Variants in CNGB3 observed in about 807,000 individuals in gnomAD.
CNGB3 encodes cyclic nucleotide gated channel subunit beta 3.
In CNGB3, 86 loss-of-function variants were observed where a neutral mutation model predicts 92.8. The ratio of observed to expected loss-of-function variants is 0.93; its 90% CI spans 0.78 to 1.11. The LOEUF is 1.11. CNGB3 is among the 50% of genes least tolerant of loss of function. The pLI, the probability that CNGB3 is intolerant of heterozygous loss-of-function variation, is 0.00. For synonymous variants in CNGB3, 333 were observed against 332.7 expected, an observed-to-expected ratio of 1.00 and a Z score of -0.01; for missense variants, 1,026 against 956.8, an observed-to-expected ratio of 1.07 and a Z score of -0.95.
intron 15 of CNGB3, among the ~76,000 whole-genome samples, chr8:86,588,671 C>A (rs1486656819): frequency 3.4e-4 from 51 of 149,106 alleles, no homozygotes; most frequent in Non-Finnish European, 6.4e-4. Context: ...ACCAGCCTTG[C>A]ATCCCAGGGA....
In CNGB3 at chr8:86,598,349, TG is replaced by T. The variant is rs576662342; in HGVS notation, c.1781+5743del. Among the ~76,000 whole-genome samples the T allele has an allele frequency of 1.8e-4, 27 of 152,278 alleles. No homozygotes were observed. The East Asian group carries it at 5.2e-3, about 30-fold the overall frequency. On this transcript the variant is annotated intron_variant, in intron 15 of 17. Transcript: ENST00000320005. ...GAGAACATAAGATACAAATGATTTG[TG>T]ACTTTCTTTGGTGGTAGGATTGACA...
At chr8:86,657,854 C>T in intron 6 of CNGB3, 2 of 533,170 alleles carry the variant, frequency 3.8e-6, no homozygotes, top group Non-Finnish European at 7.6e-6. Context: ...AGCTCTGGTA[C>T]AGTGTGATGT....
intron 15 of CNGB3, among the ~76,000 whole-genome samples, chr8:86,594,856 G>A (rs1447783146): frequency 2.0e-5 from 3 of 152,090 alleles, no homozygotes; most frequent in South Asian, 2.1e-4. Context: ...TTACCGGCAC[G>A]TGCCACCACG....
intron 5 of CNGB3, among the ~76,000 whole-genome samples, chr8:86,667,675 G>A (rs1823770092): frequency 6.6e-6 from 1 of 152,146 alleles, no homozygotes; most frequent in African/African-American, 2.4e-5. Flanking sequence ...TGTTCAATTA[G>A]AATAATCAAC....
At chr8:86,587,926 G>C (rs1227182981) in intron 15 of CNGB3, among the ~76,000 whole-genome samples, 1 of 151,862 alleles carries the variant, frequency 6.6e-6, no homozygotes, top group Non-Finnish European at 1.5e-5. Flanking sequence ...AATTACCTTG[G>C]GCAGTATGGC....
At chr8:86,694,341 C>T (rs377169410) in intron 3 of CNGB3, among the ~76,000 whole-genome samples, 10 of 142,798 alleles carry the variant, frequency 7.0e-5, no homozygotes, top group African/African-American at 2.4e-4. Flanking sequence ...GGCGGCTGGC[C>T]GGGCGGGGGG....
intron 13 of CNGB3, among the ~76,000 whole-genome samples, chr8:86,613,455 G>A (rs1822557625): frequency 6.6e-6 from 1 of 152,126 alleles, no homozygotes; most frequent in Admixed American, 6.6e-5. Flanking sequence ...ATAGACTTTG[G>A]ATTGATTTTT....
intron 7 of CNGB3, among the ~76,000 whole-genome samples, 168 bp from the exon 8 acceptor site, chr8:86,648,055 C>T (rs1823324053): frequency 6.6e-6 from 1 of 151,098 alleles, no homozygotes; most frequent in African/African-American, 2.4e-5. Context: ...GGCGTATTAG[C>T]ACCATGAAAA....
intron 12 of CNGB3, among the ~76,000 whole-genome samples, chr8:86,627,187 A>C (rs1822866613): frequency 6.6e-6 from 1 of 152,138 alleles, no homozygotes; most frequent in Non-Finnish European, 1.5e-5. Context: ...ATAGATTCTA[A>C]ATATGAAAAT....
At chr8:86,736,113 T>C (rs1825247631) in intron 2 of CNGB3, among the ~76,000 whole-genome samples, 1 of 152,186 alleles carries the variant, frequency 6.6e-6, no homozygotes, top group Non-Finnish European at 1.5e-5. Flanking sequence ...ATGGCAGATA[T>C]AAATGAAACC....
intron 3 of CNGB3, among the ~76,000 whole-genome samples, chr8:86,679,905 T>G (rs1242750972): frequency 6.6e-6 from 1 of 152,132 alleles, no homozygotes; most frequent in Non-Finnish European, 1.5e-5. Context: ...AAAGTCCATA[T>G]GGAAATACAG....
At chr8:86,582,080 G>A (rs367638052) in intron 15 of CNGB3, among the ~76,000 whole-genome samples, 6 of 22,856 alleles carry the variant, frequency 2.6e-4, no homozygotes, top group East Asian at 1.5e-3. Flanking sequence ...AGAAATAGAC[G>A]AAATATGACA....
chr8:86,703,923 C>A (rs568451107), intron 3 of CNGB3: 1 of 152,028 alleles, frequency 6.6e-6, no homozygotes, highest in African/African-American at 2.4e-5. Flanking sequence ...GAATAAATAT[C>A]ATAAAAACTA....
rs1585942838 is a variant in CNGB3 at position 86,578,755 on chromosome 8, G to A, written c.2037C>T (p.Leu679=). 2.5e-6 allele frequency: 4 copies of A among 1,614,068 alleles called. No homozygotes were observed. The East Asian group carries it at 8.9e-5, about 36-fold the overall frequency. Residue 679 remains leucine, a synonymous_variant, in exon 17 of 18, where the codon CTC becomes CTT. Transcript: ENST00000320005. ...KEETPKLFKT[L]LGGTGKASLA... ...GACTTGCTTTTCCTGTGCCTCCTAG[G>A]AGAGTTTTAAACAGTTTGGGTGTCT...
intron 3 of CNGB3, among the ~76,000 whole-genome samples, chr8:86,701,839 T>G (rs1002628734): frequency 3.3e-5 from 5 of 152,164 alleles, no homozygotes; most frequent in African/African-American, 1.2e-4. Context: ...AAAATTACTT[T>G]TAAATGGTCA....
intron 13 of CNGB3, 117 bp downstream of exon 13, chr8:86,625,866 G>T: frequency 2.5e-6 from 2 of 807,502 alleles, no homozygotes; most frequent in Non-Finnish European, 2.1e-6. Flanking sequence ...AATTTCTCTA[G>T]GTTATTTTGA....
intron 3 of CNGB3, among the ~76,000 whole-genome samples, chr8:86,718,552 G>C (rs1824908139): frequency 1.3e-5 from 2 of 152,076 alleles, no homozygotes. Context: ...AAAAAGTCCA[G>C]GATCAGATGG....
intron 2 of CNGB3, among the ~76,000 whole-genome samples, chr8:86,736,861 A>T (rs1462349496): frequency 1.3e-5 from 2 of 152,152 alleles, no homozygotes; most frequent in Non-Finnish European, 2.9e-5. Context: ...TTTTAGGATT[A>T]TTAAGTGTTT....
intron 15 of CNGB3, among the ~76,000 whole-genome samples, chr8:86,602,793 C>T (rs917446115): frequency 3.3e-5 from 5 of 152,142 alleles, no homozygotes; most frequent in African/African-American, 1.2e-4. Flanking sequence ...CTGTTGAAGT[C>T]GTCTTTTAAA....
Sources: gnomAD v4.1 joint callset for allele counts (sites outside exome capture counted in the v4.1 genomes callset) on GRCh38, gnomAD v4.1.1 for gene constraint, MANE v1.5 for transcripts, NCBI Gene and HGNC (gene_info 2026-07-23, HGNC 2026-07-21) for gene names.